Variants in BICDL1 observed in about 807,000 individuals in gnomAD.
BICDL1 encodes BICD family-like cargo adapter 1.
BICDL1 carries 20 observed loss-of-function variants against 76.8 expected under a neutral mutation model. The ratio of observed to expected loss-of-function variants is 0.26; its 90% CI spans 0.18 to 0.38. The LOEUF (loss-of-function observed/expected upper bound fraction) is 0.38, where lower values mean the gene tolerates loss of function less well. BICDL1 is among the 10% of genes least tolerant of loss of function. The probability of loss-of-function intolerance (pLI) is 1.00; values close to 1 mark genes in which losing one functional copy is unlikely to be tolerated. For synonymous variants in BICDL1, 383 were observed against 337.1 expected (o/e 1.14, Z -1.49); for missense variants, 700 against 798.6 (o/e 0.88, Z 1.49).
chr12:120,038,597 A>T (rs1378487365), intron 2 of BICDL1, among the ~76,000 whole-genome samples: 2 of 152,016 alleles, frequency 1.3e-5, no homozygotes, highest in Admixed American at 1.3e-4. Context: ...CATTATGTTG[A>T]TTTTTTTCTT....
Position 119,998,577 on chromosome 12 carries a change from G to T in BICDL1, c.486G>T (p.Glu162Asp). The change falls in exon 2 of 10, where the codon GAG (glutamate) becomes GAT (aspartate). Residue 162 changes from glutamate to aspartate, a missense_variant. By Grantham distance (45) the Glu-to-Asp change is conservative. Around this residue, in one of 3 missense-constraint regions of BICDL1, gnomAD observed 20 missense variants for 50.3 expected, o/e 0.40. Coordinates refer to ENST00000548673, the MANE Select transcript of BICDL1 (RefSeq NM_001367886.1). Reference sequence around the variant, plus strand: ...GACGATTTGAGAACCGAGAAGGGGAGTGGGAAGGCCGAGTGTCAGAGCTGG... The same window carrying T: ...GACGATTTGAGAACCGAGAAGGGGATTGGGAAGGCCGAGTGTCAGAGCTGG... Reference protein sequence around the residue: ...LRRRFENREGEWEGRVSELES... With the variant: ...LRRRFENREGDWEGRVSELES... 6.2e-7 allele frequency: 1 copy of T among 1,614,084 alleles called. No individual in the cohort carries two copies. The highest frequency in any genetic ancestry group is 8.5e-7 in the Non-Finnish European group (1 of 1,179,988).
At chr12:119,997,608 A>G (rs1359640687) in intron 1 of BICDL1, among the ~76,000 whole-genome samples, 2 of 152,248 alleles carry the variant, frequency 1.3e-5, no homozygotes, top group Non-Finnish European at 2.9e-5. Context: ...TTAGAGAACC[A>G]GAGTCAACTG....
At chr12:120,087,347 G>A (rs1413022281) in intron 8 of BICDL1, among the ~76,000 whole-genome samples, 1 of 152,262 alleles carries the variant, frequency 6.6e-6, no homozygotes, top group East Asian at 1.9e-4. Context: ...CGGGCCGGCG[G>A]GCGGGGCGCA....
At chr12:120,022,495 T>C (rs907255700) in intron 2 of BICDL1, among the ~76,000 whole-genome samples, 12 of 147,846 alleles carry the variant, frequency 8.1e-5, no homozygotes, top group African/African-American at 2.2e-4. Flanking sequence ...TTTTTGTGTA[T>C]ATATATATAT....
At chr12:120,020,635 C>T (rs1952159802) in intron 2 of BICDL1, among the ~76,000 whole-genome samples, 1 of 151,940 alleles carries the variant, frequency 6.6e-6, no homozygotes, top group Non-Finnish European at 1.5e-5. Context: ...ATAACCATTC[C>T]AACTCCTAAT....
chr12:120,031,426 C>T (rs577872790), intron 2 of BICDL1, among the ~76,000 whole-genome samples: 212 of 151,674 alleles, frequency 1.4e-3, no homozygotes, highest in African/African-American at 5.1e-3. Context: ...GGATGGTCTC[C>T]ATCTCCTGAC....
chr12:120,039,560 C>T (rs1182045825), intron 2 of BICDL1, among the ~76,000 whole-genome samples: 2 of 149,640 alleles, frequency 1.3e-5, no homozygotes, highest in Non-Finnish European at 3.0e-5. Context: ...ATTGCTTGAA[C>T]CCGGGAGGCG....
chr12:120,048,207 G>T (rs1294398552), intron 2 of BICDL1, among the ~76,000 whole-genome samples: 1 of 151,280 alleles, frequency 6.6e-6, no homozygotes, highest in African/African-American at 2.4e-5. Flanking sequence ...AGAGGGAGAG[G>T]TCTCACTGTG....
At chr12:120,089,930 C>T in intron 8 of BICDL1, 21 bp from the exon 9 acceptor site, 2 of 1,613,110 alleles carry the variant, frequency 1.2e-6, no homozygotes, top group Non-Finnish European at 1.7e-6. Flanking sequence ...TCCATGTTCA[C>T]CCTGGCTTGT....
intron 2 of BICDL1, among the ~76,000 whole-genome samples, chr12:120,040,535 C>A (rs965203369): frequency 1.1e-4 from 17 of 152,140 alleles, no homozygotes; most frequent in African/African-American, 4.1e-4. Flanking sequence ...CCTACCTCAG[C>A]CTCCTGAGTA....
At chr12:120,059,365 G>A (rs1455201545) in intron 2 of BICDL1, among the ~76,000 whole-genome samples, 1 of 152,030 alleles carries the variant, frequency 6.6e-6, no homozygotes, top group Non-Finnish European at 1.5e-5. Flanking sequence ...CACCTCCCGT[G>A]TCCCAGTTCA....
chr12:120,010,721 A>G (rs1484615862), intron 2 of BICDL1, among the ~76,000 whole-genome samples: 1 of 152,114 alleles, frequency 6.6e-6, no homozygotes, highest in African/African-American at 2.4e-5. Flanking sequence ...TTAATATTTT[A>G]TTTGAGGGAA....
intron 4 of BICDL1, among the ~76,000 whole-genome samples, chr12:120,065,835 G>A (rs1050156865): frequency 1.3e-5 from 2 of 152,140 alleles, no homozygotes; most frequent in Non-Finnish European, 2.9e-5. Context: ...ATAATGTCTT[G>A]GACTAAGATT....
At chr12:120,014,069 A>G (rs1952012481) in intron 2 of BICDL1, among the ~76,000 whole-genome samples, 1 of 152,246 alleles carries the variant, frequency 6.6e-6, no homozygotes, top group Non-Finnish European at 1.5e-5. Flanking sequence ...TGGTTTAGGT[A>G]AATGTGTGTT....
At chr12:119,994,990 A>G (rs1951609568) in intron 1 of BICDL1, among the ~76,000 whole-genome samples, 1 of 152,194 alleles carries the variant, frequency 6.6e-6, no homozygotes. Flanking sequence ...GCATTTATCT[A>G]ATACCTTTTT....
chr12:120,034,283 A>T (rs1288270585), intron 2 of BICDL1, among the ~76,000 whole-genome samples: 3 of 152,264 alleles, frequency 2.0e-5, no homozygotes, highest in African/African-American at 7.2e-5. Context: ...ATTTAGGAAC[A>T]TGCAAAATAC....
intron 8 of BICDL1, among the ~76,000 whole-genome samples, chr12:120,088,154 A>T (rs1269097104): frequency 6.6e-6 from 1 of 151,850 alleles, no homozygotes; most frequent in Non-Finnish European, 1.5e-5. Flanking sequence ...CTGGTCTCGA[A>T]CTCCCAACCT....
In BICDL1 at chr12:120,079,378, G is replaced by T. The variant is rs952525710; in HGVS notation, c.1453-1509G>T. ...AGCTTGATCTTCAGCCTTACACCTG[G>T]GGCCTTTGCTCAGTTTCATTCTAGC... On this transcript the variant is annotated intron_variant, in intron 7 of 9. Coordinates refer to ENST00000548673, the MANE Select transcript of BICDL1 (RefSeq NM_001367886.1). The surrounding 1 kb of genome is among the most constrained non-coding windows in gnomAD (Gnocchi z 4.3). Among the ~76,000 whole-genome samples the T allele has an allele frequency of 6.6e-6, 1 of 152,134 alleles. No individual in the cohort carries two copies. The highest frequency in any genetic ancestry group is 2.4e-5 in the African/African-American group (1 of 41,412).
intron 2 of BICDL1, among the ~76,000 whole-genome samples, chr12:120,058,852 A>G (rs1468167484): frequency 1.1e-4 from 16 of 151,956 alleles, no homozygotes; most frequent in Admixed American, 1.0e-3. Context: ...CAGCCTCCCA[A>G]AGTGCTGGGA....
Sources: allele counts gnomAD v4.1 joint callset (sites outside exome capture counted in the v4.1 genomes callset), GRCh38; gene constraint gnomAD v4.1.1; regional missense constraint gnomAD v4.1.1; non-coding constraint Gnocchi (gnomAD v3.1); transcripts MANE v1.5; gene names NCBI Gene and HGNC (gene_info 2026-07-23, HGNC 2026-07-21).